The following BCL11A variants were observed in gnomAD, a reference collection of about 807,000 sequenced individuals.
BCL11A encodes BCL11 transcription factor A.
In BCL11A, 2 loss-of-function variants were observed where a neutral mutation model predicts 55.9. The ratio of observed to expected loss-of-function variants is 0.04; its 90% CI spans 0.01 to 0.11. The LOEUF is 0.11. Ranked by LOEUF, BCL11A falls within the 10% of genes least tolerant of loss-of-function variation. BCL11A has a pLI of 1.00. For missense variants in BCL11A, 817 were observed against 1,137.1 expected (o/e 0.72, Z 4.05); for synonymous variants, 465 against 473.4 (o/e 0.98, Z 0.23).
chr2:60,464,192 T>A (rs1194481717), intron 3 of BCL11A, among the ~76,000 whole-genome samples: 1 of 152,198 alleles, frequency 6.6e-6, no homozygotes, highest in Non-Finnish European at 1.5e-5. Flanking sequence ...CAAGATTAGA[T>A]GGTAAGATAC....
chr2:60,479,499 C>G (rs1677825824), intron 2 of BCL11A, among the ~76,000 whole-genome samples: 1 of 152,230 alleles, frequency 6.6e-6, no homozygotes, highest in Non-Finnish European at 1.5e-5. Context: ...ACAAGCCCCT[C>G]AGGCTGAAAT....
chr2:60,515,723 C>T (rs571904794), intron 2 of BCL11A, among the ~76,000 whole-genome samples: 101 of 152,258 alleles, frequency 6.6e-4, no homozygotes, highest in African/African-American at 1.8e-3. Context: ...TGGTGGGTGG[C>T]GGACAGAGAT....
rs756699731 is a variant in BCL11A at position 60,553,482 on chromosome 2, CAAAAAAAAAAAAAAAAAA to C, written c.-230_-213del. ...AGAGCCGTCATGGCTTTTTTTTAAG[CAAAAAAAAAAAAAAAAAA>C]AAAAAAAAAAAGAGGGAGAGAGAGA... is the stretch of plus-strand genomic sequence containing the variant. On this transcript the variant is annotated 5_prime_UTR_variant, in exon 1 of 4. Coordinates refer to ENST00000642384, the MANE Select transcript of BCL11A (RefSeq NM_022893.4). 8 of 35,180 alleles carry C rather than the reference CAAAAAAAAAAAAAAAAAA, an allele frequency of 2.3e-4. No individual in the cohort carries two copies. Among genetic ancestry groups the C allele is most frequent in the South Asian group, 2.2e-3 (1 of 456 alleles). 2.2% of individuals were successfully genotyped at this position (35,180 alleles called of 1,614,324 possible).
At chr2:60,500,059 C>T (rs1679194212) in intron 2 of BCL11A, 1 of 152,954 alleles carries the variant, frequency 6.5e-6, no homozygotes, top group East Asian at 1.9e-4. Context: ...CTCCCTCCCT[C>T]CTCTCCTCCT....
intron 2 of BCL11A, among the ~76,000 whole-genome samples, chr2:60,494,452 T>C (rs71526487): frequency 9.9e-5 from 15 of 152,100 alleles, no homozygotes; most frequent in South Asian, 2.1e-4. Flanking sequence ...GATGGGAGTA[T>C]GGGGAGAGAA....
intron 2 of BCL11A, chr2:60,508,642 T>A (rs1349578704): frequency 6.6e-6 from 1 of 152,218 alleles, no homozygotes; most frequent in African/African-American, 2.4e-5. Flanking sequence ...AGAGAAGCGT[T>A]GCTAGGAGAA....
chr2:60,462,930 A>G (rs1676397468), intron 3 of BCL11A, among the ~76,000 whole-genome samples: 1 of 152,254 alleles, frequency 6.6e-6, no homozygotes, highest in Non-Finnish European at 1.5e-5. Flanking sequence ...TCATAGAGGT[A>G]TCAAAAAAGG....
chr2:60,499,068 C>A (rs936705740), intron 2 of BCL11A, among the ~76,000 whole-genome samples: 3 of 152,196 alleles, frequency 2.0e-5, no homozygotes, highest in African/African-American at 4.8e-5. Flanking sequence ...CAGCTACAGT[C>A]CATTTCTCGC....
At chr2:60,511,822 C>A (rs1217613600) in intron 2 of BCL11A, among the ~76,000 whole-genome samples, 1 of 152,224 alleles carries the variant, frequency 6.6e-6, no homozygotes, top group Non-Finnish European at 1.5e-5. Context: ...AAGCTTTCAA[C>A]ACTCTGTTTC....
chr2:60,474,647 A>AT (rs1053945457), intron 2 of BCL11A, among the ~76,000 whole-genome samples: 7 of 151,706 alleles, frequency 4.6e-5, no homozygotes, highest in African/African-American at 9.7e-5. Context: ...TCTTAGGACA[A>AT]TTTTTTTTTG....
In BCL11A at chr2:60,461,607, C is replaced by A; in HGVS notation, c.1305G>T (p.Thr435=). The change falls in exon 4 of 4, where the codon ACG becomes ACT. Residue 435 remains threonine (T), a synonymous_variant. Coordinates refer to ENST00000642384, the MANE Select transcript of BCL11A (RefSeq NM_022893.4). The stretch of plus-strand genomic sequence containing the variant: ...TGGAGAGACCGTCGTCGGACTTGAC[C>A]GTCATGGGGGACGATTTGTGCATGT... ...KTHMHKSSPM[T]VKSDDGLSTA... The A allele has an allele frequency of 6.2e-6, 10 of 1,613,552 alleles. No homozygotes were observed. Among genetic ancestry groups the A allele is most frequent in the Non-Finnish European group, 6.8e-6 (8 of 1,180,040 alleles).
At chr2:60,531,832 C>A (rs1251576229) in intron 2 of BCL11A, among the ~76,000 whole-genome samples, 3 of 152,142 alleles carry the variant, frequency 2.0e-5, no homozygotes, top group Non-Finnish European at 4.4e-5. Context: ...CTCTGCCGGC[C>A]GCAGCTGTTC....
chr2:60,475,221 G>A (rs1461088550), intron 2 of BCL11A, among the ~76,000 whole-genome samples: 4 of 152,180 alleles, frequency 2.6e-5, no homozygotes, highest in Non-Finnish European at 1.5e-5. Flanking sequence ...TAAATCCTCT[G>A]AAGATTTCTG....
At position 60,458,474 on chromosome 2, in the gene BCL11A, A is replaced by T; in HGVS notation, c.*1930T>A. 9.7e-7 allele frequency: 1 copy of T among 1,029,472 alleles called. No individual in the cohort carries two copies. Among genetic ancestry groups the T allele is most frequent in the Non-Finnish European group, 1.2e-6 (1 of 855,642 alleles). The allele number at this position is 1,029,472 out of a possible 1,614,324, so 63.8% of individuals were successfully genotyped here. ...ATTTAAAAAAGTTTTGTACAAAAAA[A>T]TCCTTGCACTGTAGAAGCGAAAGCA... is the stretch of plus-strand genomic sequence containing the variant. On this transcript the variant is annotated 3_prime_UTR_variant, in exon 4 of 4. Transcript: ENST00000642384.
At chr2:60,533,088 C>T (rs889816364) in intron 2 of BCL11A, 1 of 152,150 alleles carries the variant, frequency 6.6e-6, no homozygotes, top group Non-Finnish European at 1.5e-5. Context: ...TTTTGACTTA[C>T]CATTATGTTT....
At chr2:60,511,247 C>G (rs762907727) in intron 2 of BCL11A, among the ~76,000 whole-genome samples, 2 of 152,224 alleles carry the variant, frequency 1.3e-5, no homozygotes, top group Admixed American at 1.3e-4. Flanking sequence ...AGGGACAAAT[C>G]CCTTCTACCT....
intron 2 of BCL11A, among the ~76,000 whole-genome samples, chr2:60,474,412 C>T (rs1677398149): frequency 6.6e-6 from 1 of 152,148 alleles, no homozygotes; most frequent in Non-Finnish European, 1.5e-5. Flanking sequence ...GCAAATCCTT[C>T]ATTTCAAAAG....
chr2:60,478,427 C>G (rs1677756865), intron 2 of BCL11A, among the ~76,000 whole-genome samples: 1 of 152,200 alleles, frequency 6.6e-6, no homozygotes, highest in Admixed American at 6.5e-5. Context: ...TCATACAGCC[C>G]CTTTCAGGCA....
Position 60,553,282 on chromosome 2 carries a change from G to T in BCL11A, c.-12C>A. On this transcript the variant is annotated 5_prime_UTR_variant, in exon 1 of 4. Transcript: ENST00000642384. Reference sequence around the variant, plus strand: ...TTGCGGCGAGACATGGTGGGCTGCGGGGCGGGCGGCGGCGGCGGCGGCGGC... The same window carrying T: ...TTGCGGCGAGACATGGTGGGCTGCGTGGCGGGCGGCGGCGGCGGCGGCGGC... 1 of 1,573,952 alleles carries T rather than the reference G, an allele frequency of 6.4e-7. No individual in the cohort carries two copies. The highest frequency in any genetic ancestry group is 1.2e-5 in the South Asian group (1 of 85,544).
Sources: gnomAD v4.1 joint callset for allele counts (sites outside exome capture counted in the v4.1 genomes callset) on GRCh38, gnomAD v4.1.1 for gene constraint, MANE v1.5 for transcripts, NCBI Gene and HGNC (gene_info 2026-07-23, HGNC 2026-07-21) for gene names.